PTPRG: variants seen among roughly 807,000 people sequenced by gnomAD.
The protein encoded by PTPRG is receptor-type tyrosine-protein phosphatase gamma.
A neutral mutation model predicts 165.3 loss-of-function variants in PTPRG; 102 were observed. The ratio of observed to expected loss-of-function variants is 0.62; its 90% CI spans 0.53 to 0.73. PTPRG has a LOEUF of 0.73. Among genes scored for constraint, PTPRG ranks in the 30% least tolerant of loss-of-function variants. The pLI is 0.00. For missense variants in PTPRG, 1,866 were observed against 1,861.4 expected (o/e 1.00, Z -0.05); for synonymous variants, 675 against 669.5 (o/e 1.01, Z -0.13).
intron 12 of PTPRG, among the ~76,000 whole-genome samples, chr3:62,211,892 G>A (rs779987053): frequency 6.6e-6 from 1 of 152,000 alleles, no homozygotes; most frequent in Non-Finnish European, 1.5e-5. Context: ...TGAGAGCCAA[G>A]CCAGTAAAAG....
chr3:61,641,696 A>G (rs1702066801), intron 1 of PTPRG, among the ~76,000 whole-genome samples: 1 of 152,206 alleles, frequency 6.6e-6, no homozygotes, highest in Admixed American at 6.5e-5. Flanking sequence ...TAGTGTCAAC[A>G]GATGTCTTCA....
intron 2 of PTPRG, among the ~76,000 whole-genome samples, chr3:61,838,565 C>A (rs541419933): frequency 1.3e-5 from 2 of 152,270 alleles, no homozygotes; most frequent in South Asian, 4.2e-4. Flanking sequence ...TATGGCTGGG[C>A]ATCCCTTAAA....
At chr3:62,220,216 C>T (rs372911515) in intron 13 of PTPRG, among the ~76,000 whole-genome samples, 1 of 152,206 alleles carries the variant, frequency 6.6e-6, no homozygotes, top group Non-Finnish European at 1.5e-5. Context: ...AGAGCAGGAT[C>T]GGGTCATGCT....
At chr3:62,077,908 G>A (rs1399779994) in intron 4 of PTPRG, among the ~76,000 whole-genome samples, 1 of 150,910 alleles carries the variant, frequency 6.6e-6, no homozygotes, top group Non-Finnish European at 1.5e-5. Context: ...TGAGGCAGGA[G>A]AATCGCTTGA....
chr3:61,979,069 A>G (rs1193560148), intron 2 of PTPRG, among the ~76,000 whole-genome samples: 1 of 152,226 alleles, frequency 6.6e-6, no homozygotes, highest in African/African-American at 2.4e-5. Flanking sequence ...TTTCATTACA[A>G]TGGATATAGT....
At chr3:61,871,431 T>A (rs1232762570) in intron 2 of PTPRG, among the ~76,000 whole-genome samples, 1 of 152,024 alleles carries the variant, frequency 6.6e-6, no homozygotes, top group Non-Finnish European at 1.5e-5. Flanking sequence ...GGGGTCTTAC[T>A]GGTCTCAAGC....
chr3:61,595,304 A>AG (rs1415429606), intron 1 of PTPRG, among the ~76,000 whole-genome samples: 1 of 66,946 alleles, frequency 1.5e-5, no homozygotes, highest in Non-Finnish European at 4.2e-5. Context: ...CCTTTGCAGA[A>AG]GGGGAAAAAA....
intron 4 of PTPRG, among the ~76,000 whole-genome samples, chr3:62,035,099 C>G (rs751869020): frequency 9.2e-5 from 14 of 152,074 alleles, no homozygotes; most frequent in Non-Finnish European, 1.3e-4. Flanking sequence ...TGGCAAAACC[C>G]TCCAGTAAAT....
At position 61,748,873 on chromosome 3, in the gene PTPRG, T is replaced by TC. The variant is rs1454047257; in HGVS notation, c.86-3dup. 2 of 1,612,328 alleles carry TC rather than the reference T, an allele frequency of 1.2e-6. No individual in the cohort carries two copies. The highest frequency in any genetic ancestry group is 2.7e-5 in the African/African-American group (2 of 74,838). Reference sequence around the variant, plus strand: ...TGTCTCATTGTGGGTTTTCCTCTCTTCCAGCGTTGACAGAAGGCTACGTTG... The same window carrying TC: ...TGTCTCATTGTGGGTTTTCCTCTCTTCCCAGCGTTGACAGAAGGCTACGTTG... On this transcript the variant is annotated splice_region_variant and splice_polypyrimidine_tract_variant and intron_variant, in intron 1 of 29. Coordinates refer to ENST00000474889, the MANE Select transcript of PTPRG (RefSeq NM_002841.4).
chr3:62,221,625 G>A (rs1431034242), intron 13 of PTPRG, among the ~76,000 whole-genome samples: 1 of 152,214 alleles, frequency 6.6e-6, no homozygotes, highest in Non-Finnish European at 1.5e-5. Context: ...GGCACAGTAA[G>A]ACTGGATGAT....
intron 17 of PTPRG, among the ~76,000 whole-genome samples, chr3:62,266,145 T>C (rs992204777): frequency 6.6e-6 from 1 of 152,174 alleles, no homozygotes; most frequent in African/African-American, 2.4e-5. Context: ...AATTTCAAAT[T>C]AGATGTAATT....
intron 1 of PTPRG, among the ~76,000 whole-genome samples, chr3:61,681,870 C>T (rs985763726): frequency 6.6e-5 from 10 of 152,016 alleles, no homozygotes; most frequent in Non-Finnish European, 1.0e-4. Context: ...AAACTAGTGG[C>T]CGGGCGCAGT....
chr3:62,018,065 A>G (rs2041594973), intron 4 of PTPRG, among the ~76,000 whole-genome samples: 3 of 152,176 alleles, frequency 2.0e-5, no homozygotes, highest in South Asian at 2.1e-4. Context: ...TCCTCATACC[A>G]TCTCAGAACA....
chr3:61,738,316 A>ATG lies in PTPRG; in HGVS notation c.86-10561_86-10560insGT, dbSNP rs1559583432. Among the ~76,000 whole-genome samples, 77 of 96,456 alleles carry ATG rather than the reference A, an allele frequency of 8.0e-4. 6 individuals are homozygous for ATG. The highest frequency in any genetic ancestry group is 1.9e-3 in the African/African-American group (55 of 28,384). The allele number at this position is 96,456 out of a possible 152,430, so 63.3% of individuals were successfully genotyped here. A position where few individuals can be genotyped will look rare whatever the true frequency, so the allele number is the denominator to read the frequency against. The stretch of plus-strand genomic sequence containing the variant: ...TATATATATATATATATATATACAT[A>ATG]TATATATATATATATATATATGTAT... On this transcript the variant is annotated intron_variant, in intron 1 of 29. Coordinates refer to ENST00000474889, the MANE Select transcript of PTPRG (RefSeq NM_002841.4).
intron 2 of PTPRG, among the ~76,000 whole-genome samples, chr3:61,802,332 A>G (rs1258642902): frequency 1.3e-5 from 2 of 152,088 alleles, no homozygotes; most frequent in African/African-American, 4.8e-5. Context: ...TTTTCCAGAG[A>G]TGGCAAAATA....
intron 1 of PTPRG, among the ~76,000 whole-genome samples, chr3:61,665,504 A>ACACG (rs10664356): frequency 6.7e-6 from 1 of 150,268 alleles, no homozygotes; most frequent in Non-Finnish European, 1.5e-5. Flanking sequence ...ACACACACAC[A>ACACG]GGCACAAATA....
At chr3:62,241,590 G>T (rs1701161677) in intron 14 of PTPRG, among the ~76,000 whole-genome samples, 1 of 151,996 alleles carries the variant, frequency 6.6e-6, no homozygotes, top group South Asian at 2.1e-4. Context: ...GGGGCCTGTA[G>T]TTCCACATAT....
intron 1 of PTPRG, among the ~76,000 whole-genome samples, chr3:61,641,776 G>A (rs750181147): frequency 4.6e-5 from 7 of 152,152 alleles, no homozygotes; most frequent in Non-Finnish European, 1.0e-4. Context: ...CTAGAAGCAC[G>A]GACATGGGCT....
chr3:62,134,883 A>G (rs915194008), intron 6 of PTPRG, among the ~76,000 whole-genome samples: 38 of 152,340 alleles, frequency 2.5e-4, no homozygotes, highest in African/African-American at 8.9e-4. Flanking sequence ...ACTAAAGCCC[A>G]TGTGGGTATT....
Sources: gnomAD v4.1 joint callset for allele counts (sites outside exome capture counted in the v4.1 genomes callset) on GRCh38, gnomAD v4.1.1 for gene constraint, MANE v1.5 for transcripts, NCBI Gene and HGNC (gene_info 2026-07-23, HGNC 2026-07-21) for gene names.